Variants in ARB2A observed in about 807,000 individuals in gnomAD.
ARB2A encodes the protein cotranscriptional regulator ARB2A.
At chr5:93,724,237 C>A in the ARB2A span, among the ~76,000 whole-genome samples, 1 of 151,742 alleles carries the variant, frequency 6.6e-6, no homozygotes, top group East Asian at 1.9e-4. Flanking sequence ...AAAATAGACA[C>A]AGTAGGGAGC....
the ARB2A span, chr5:93,619,704 C>T: frequency 6.6e-6 from 1 of 152,118 alleles, no homozygotes; most frequent in African/African-American, 2.4e-5. Flanking sequence ...AGATTTTAAT[C>T]TAAAAGTCAG....
chr5:94,017,788 G>T, the ARB2A span, among the ~76,000 whole-genome samples: 1 of 152,158 alleles, frequency 6.6e-6, no homozygotes, highest in South Asian at 2.1e-4. Context: ...GTGTAGCCTG[G>T]AAGTGGATGA....
At chr5:93,827,354 G>A in the ARB2A span, among the ~76,000 whole-genome samples, 5 of 152,202 alleles carry the variant, frequency 3.3e-5, no homozygotes, top group East Asian at 9.6e-4. Flanking sequence ...CAGTGATGAT[G>A]AGCATTTTTT....
chr5:93,690,052 C>T, the ARB2A span, among the ~76,000 whole-genome samples: 1 of 152,164 alleles, frequency 6.6e-6, no homozygotes, highest in Admixed American at 6.5e-5. Context: ...ATGGTCTTCA[C>T]AACCTGCAGA....
chr5:94,083,796 C>T, the ARB2A span, among the ~76,000 whole-genome samples: 2 of 144,672 alleles, frequency 1.4e-5, no homozygotes, highest in African/African-American at 5.1e-5. Flanking sequence ...TCTAAAACAA[C>T]AAAAAGAATC....
the ARB2A span, among the ~76,000 whole-genome samples, chr5:93,756,874 A>T: frequency 2.6e-5 from 4 of 152,148 alleles, no homozygotes; most frequent in Non-Finnish European, 5.9e-5. Context: ...AACCAAGGAT[A>T]AGTCCCTGAT....
the ARB2A span, among the ~76,000 whole-genome samples, chr5:93,985,116 T>C: frequency 6.6e-6 from 1 of 152,202 alleles, no homozygotes; most frequent in Non-Finnish European, 1.5e-5. Flanking sequence ...GACAGTACAC[T>C]AAACACTCTG....
chr5:94,031,798 C>G, the ARB2A span, among the ~76,000 whole-genome samples: 1 of 152,216 alleles, frequency 6.6e-6, no homozygotes, highest in Non-Finnish European at 1.5e-5. Context: ...CTCTCCTCAC[C>G]CATTCCAGCC....
the ARB2A span, among the ~76,000 whole-genome samples, chr5:93,847,218 GT>G: frequency 1.3e-4 from 20 of 152,098 alleles, no homozygotes; most frequent in Admixed American, 1.2e-3. Context: ...TCTAATTCTA[GT>G]TCTCTTGCTG....
At chr5:93,819,596 T>C in the ARB2A span, among the ~76,000 whole-genome samples, 1 of 152,220 alleles carries the variant, frequency 6.6e-6, no homozygotes, top group African/African-American at 2.4e-5. Flanking sequence ...ATTGATCACA[T>C]TATGCAGATA....
chr5:93,622,644 T>C, the ARB2A span, among the ~76,000 whole-genome samples: 18 of 152,318 alleles, frequency 1.2e-4, no homozygotes, highest in Admixed American at 2.6e-4. Flanking sequence ...CTCTGCAGAC[T>C]GGCCTCATGA....
chr5:93,740,214 T>G, the ARB2A span: 1 of 171,662 alleles, frequency 5.8e-6, no homozygotes, highest in African/African-American at 2.4e-5. Context: ...GTTTTTCACT[T>G]AGTATTGTGT....
chr5:93,796,098 G>C, the ARB2A span, among the ~76,000 whole-genome samples: 1 of 152,220 alleles, frequency 6.6e-6, no homozygotes, highest in Non-Finnish European at 1.5e-5. Context: ...GGAAGGATAA[G>C]TATGGACAGA....
the ARB2A span, among the ~76,000 whole-genome samples, chr5:94,001,279 C>T: frequency 6.6e-6 from 1 of 152,048 alleles, no homozygotes; most frequent in African/African-American, 2.4e-5. Flanking sequence ...TATCCATGAA[C>T]ATGGTATATC....
chr5:93,986,120 G>C, the ARB2A span, among the ~76,000 whole-genome samples: 2 of 150,630 alleles, frequency 1.3e-5, no homozygotes, highest in Non-Finnish European at 3.0e-5. Flanking sequence ...CACCCCGTCT[G>C]GGAGGTGAGG....
chr5:93,931,838 G>C, the ARB2A span, among the ~76,000 whole-genome samples: 1 of 151,976 alleles, frequency 6.6e-6, no homozygotes, highest in Non-Finnish European at 1.5e-5. Flanking sequence ...CCATAGGTAA[G>C]TTTTGCTTGT....
chr5:93,964,182 G>T, the ARB2A span, among the ~76,000 whole-genome samples: 1 of 151,958 alleles, frequency 6.6e-6, no homozygotes, highest in Non-Finnish European at 1.5e-5. Flanking sequence ...AAGGGTACAG[G>T]TAAGGGTAAT....
At chr5:93,659,724 A>G in the ARB2A span, among the ~76,000 whole-genome samples, 1 of 152,180 alleles carries the variant, frequency 6.6e-6, no homozygotes. Flanking sequence ...TGCAAGAAAC[A>G]GTAACAAGGG....
the ARB2A span, among the ~76,000 whole-genome samples, chr5:94,097,941 A>C: frequency 1.3e-5 from 2 of 151,378 alleles, no homozygotes; most frequent in African/African-American, 2.4e-5. Flanking sequence ...ACCCTCCATG[A>C]GTGTTGCTAC....
Sources: gnomAD v4.1 joint callset for allele counts (sites outside exome capture counted in the v4.1 genomes callset) on GRCh38, gnomAD v4.1.1 for gene constraint, MANE v1.5 for transcripts, NCBI Gene and HGNC (gene_info 2026-07-23, HGNC 2026-07-21) for gene names.